CCBE1: variants seen among roughly 807,000 people sequenced by gnomAD.
CCBE1 encodes the protein collagen and calcium binding EGF domains 1.
Under a neutral mutation model 50.0 loss-of-function variants are expected in CCBE1, and 37 were observed. That is an observed-to-expected ratio of 0.74 (90% CI 0.57 to 0.97). The LOEUF is 0.97. CCBE1 is among the 50% of genes least tolerant of loss of function. CCBE1 has a pLI of 0.00. For missense variants in CCBE1, 538 were observed against 523.8 expected, an observed-to-expected ratio of 1.03 and a Z score of -0.26; for synonymous variants, 234 against 203.7, an observed-to-expected ratio of 1.15 and a Z score of -1.27.
chr18:59,456,441 G>A (rs898201955), intron 5 of CCBE1, among the ~76,000 whole-genome samples: 4 of 152,134 alleles, frequency 2.6e-5, no homozygotes, highest in South Asian at 2.1e-4. Context: ...GGAAACTTGC[G>A]CACAGGAAGA....
At chr18:59,552,120 T>G (rs1383301183) in intron 2 of CCBE1, among the ~76,000 whole-genome samples, 1 of 152,178 alleles carries the variant, frequency 6.6e-6, no homozygotes. Flanking sequence ...GGGCCTCTCA[T>G]CACTCAGTAG....
chr18:59,692,864 C>A (rs771470700), intron 2 of CCBE1, among the ~76,000 whole-genome samples: 1 of 139,894 alleles, frequency 7.1e-6, no homozygotes, highest in Non-Finnish European at 1.5e-5. Flanking sequence ...TTAGCCTCCA[C>A]GTGGAGTTCC....
At chr18:59,666,164 G>C (rs2144698428) in intron 2 of CCBE1, 1 of 152,350 alleles carries the variant, frequency 6.6e-6, no homozygotes, top group South Asian at 2.1e-4. Flanking sequence ...CAGGCAAAGA[G>C]AGAGTTTGTG....
chr18:59,556,177 T>C (rs1186789679), intron 2 of CCBE1, among the ~76,000 whole-genome samples: 1 of 152,208 alleles, frequency 6.6e-6, no homozygotes, highest in African/African-American at 2.4e-5. Context: ...CTACCTGCTG[T>C]GGCATTGTCA....
intron 2 of CCBE1, among the ~76,000 whole-genome samples, chr18:59,679,626 C>T (rs1026205505): frequency 2.6e-5 from 4 of 151,950 alleles, no homozygotes; most frequent in Admixed American, 1.3e-4. Flanking sequence ...TTTTCACCCT[C>T]AAAATAAACT....
chr18:59,484,946 A>C (rs377509297), intron 2 of CCBE1, among the ~76,000 whole-genome samples: 32 of 152,242 alleles, frequency 2.1e-4, no homozygotes, highest in African/African-American at 7.2e-4. Context: ...CGTACAATAA[A>C]GTTGAGACAG....
chr18:59,624,973 T>C (rs970837308), intron 2 of CCBE1, among the ~76,000 whole-genome samples: 2 of 152,256 alleles, frequency 1.3e-5, no homozygotes, highest in African/African-American at 4.8e-5. Context: ...GCTGTTAAAA[T>C]TCACACAGCT....
At chr18:59,655,692 C>G (rs1432295298) in intron 2 of CCBE1, among the ~76,000 whole-genome samples, 3 of 152,168 alleles carry the variant, frequency 2.0e-5, no homozygotes, top group African/African-American at 7.2e-5. Flanking sequence ...CTGGTTTTGC[C>G]AACCTCCAAG....
At chr18:59,448,935 A>G (rs562043096) in intron 6 of CCBE1, among the ~76,000 whole-genome samples, 321 of 152,274 alleles carry the variant, frequency 2.1e-3, no homozygotes, top group African/African-American at 7.3e-3. Context: ...GACCACCACA[A>G]CCTGCAGGTG....
intron 2 of CCBE1, among the ~76,000 whole-genome samples, chr18:59,559,440 G>A (rs1284672652): frequency 6.6e-6 from 1 of 152,212 alleles, no homozygotes; most frequent in Non-Finnish European, 1.5e-5. Context: ...TGGTGCCCGT[G>A]CCCCGCCAAG....
At chr18:59,437,568 T>C (rs1203157126) in intron 10 of CCBE1, among the ~76,000 whole-genome samples, 2 of 152,254 alleles carry the variant, frequency 1.3e-5, no homozygotes, top group East Asian at 1.9e-4. Context: ...TCAGAAGCAG[T>C]GACGTGGTTT....
chr18:59,697,585 T>A (rs1599148524), upstream of CCBE1: 3 of 538,406 alleles, frequency 5.6e-6, no homozygotes, highest in South Asian at 6.9e-5. Context: ...ACCTGCGGTG[T>A]CCGGCTGGCG....
chr18:59,448,161 T>C, intron 6 of CCBE1, 58 bp from the exon 7 acceptor site: 14 of 1,609,012 alleles, frequency 8.7e-6, no homozygotes, highest in Non-Finnish European at 1.2e-5. Context: ...AGCCTCGGCA[T>C]TTGTCTTGGT....
intron 5 of CCBE1, among the ~76,000 whole-genome samples, chr18:59,458,576 C>G (rs991117096): frequency 2.5e-4 from 38 of 152,210 alleles, no homozygotes; most frequent in African/African-American, 8.4e-4. Flanking sequence ...AGTTCAATCT[C>G]TTTTGTAGAT....
At chr18:59,651,628 ATCT>A (rs1202389157) in intron 2 of CCBE1, among the ~76,000 whole-genome samples, 1 of 152,214 alleles carries the variant, frequency 6.6e-6, no homozygotes, top group African/African-American at 2.4e-5. Flanking sequence ...GAATGAGTTA[ATCT>A]TCTGCAGCTC....
At chr18:59,569,979 T>G (rs2052886517) in intron 2 of CCBE1, among the ~76,000 whole-genome samples, 1 of 152,242 alleles carries the variant, frequency 6.6e-6, no homozygotes, top group Non-Finnish European at 1.5e-5. Context: ...AATGCCAGAT[T>G]CTACAACTTC....
rs183236295 is a variant in CCBE1 at position 59,448,247 on chromosome 18, T to C, written c.655-144A>G. On this transcript the variant is annotated intron_variant, in intron 6 of 10. Coordinates refer to ENST00000439986, the MANE Select transcript of CCBE1 (RefSeq NM_133459.4). ...AGAGCTAGTTAGAGCTCAGAGAAAC[T>C]ATAAAGAGCCTCTTTCTAAACCTAG... 199 of 1,225,352 alleles carry C rather than the reference T, an allele frequency of 1.6e-4. 1 individual carries two copies. The African/African-American group carries it at 2.8e-3, about 17-fold the overall frequency. 75.9% of individuals were successfully genotyped at this position (1,225,352 alleles called of 1,614,324 possible).
chr18:59,679,618 T>C (rs1371544511), intron 2 of CCBE1, among the ~76,000 whole-genome samples: 15 of 152,142 alleles, frequency 9.9e-5, no homozygotes, highest in Admixed American at 9.8e-4. Context: ...CATTCAGCTT[T>C]TCACCCTCAA....
At chr18:59,481,393 G>A (rs1912563667) in intron 2 of CCBE1, among the ~76,000 whole-genome samples, 1 of 152,094 alleles carries the variant, frequency 6.6e-6, no homozygotes, top group Non-Finnish European at 1.5e-5. Flanking sequence ...AGTAAATGGA[G>A]CAGAAAAATA....
Sources: gnomAD v4.1 joint callset for allele counts (sites outside exome capture counted in the v4.1 genomes callset) on GRCh38, gnomAD v4.1.1 for gene constraint, MANE v1.5 for transcripts, NCBI Gene and HGNC (gene_info 2026-07-23, HGNC 2026-07-21) for gene names.